The following COA8 variants were observed in gnomAD, a reference collection of about 807,000 sequenced individuals.
COA8 encodes the protein cytochrome c oxidase assembly factor 8, also known as UPF0671 protein C14orf153.
In COA8, 20 loss-of-function variants were observed where a neutral mutation model predicts 22.0. The ratio of observed to expected loss-of-function variants is 0.91; its 90% CI spans 0.64 to 1.32. COA8 has a LOEUF of 1.32. Ranked by LOEUF, COA8 falls within the 40% of genes most tolerant of loss-of-function variation. The probability of loss-of-function intolerance (pLI) is 0.00; values close to 1 mark genes in which losing one functional copy is unlikely to be tolerated. For missense variants in COA8, 266 were observed against 230.0 expected (o/e 1.16, Z -1.01); for synonymous variants, 105 against 79.9 (o/e 1.31, Z -1.68).
intron 3 of COA8, among the ~76,000 whole-genome samples, chr14:103,578,086 C>T (rs998494760): frequency 6.8e-5 from 10 of 146,504 alleles, no homozygotes; most frequent in Admixed American, 3.4e-4. Context: ...CCCAACTACT[C>T]GGGAGGCTGA....
At chr14:103,585,761 A>C (rs1471581458) in intron 3 of COA8, among the ~76,000 whole-genome samples, 1 of 151,686 alleles carries the variant, frequency 6.6e-6, no homozygotes, top group Non-Finnish European at 1.5e-5. Context: ...CTTTTAGTAG[A>C]GACGGGGTTT....
At chr14:103,572,147 AG>A (rs1404589917) in intron 2 of COA8, among the ~76,000 whole-genome samples, 4 of 151,794 alleles carry the variant, frequency 2.6e-5, no homozygotes, top group African/African-American at 7.3e-5. Context: ...AAGAAAAAAA[AG>A]TTTTAGATCA....
chr14:103,564,059 A>G (rs1176562992), intron 1 of COA8, among the ~76,000 whole-genome samples: 1 of 152,086 alleles, frequency 6.6e-6, no homozygotes, highest in Non-Finnish European at 1.5e-5. Context: ...AGGATGAGGC[A>G]GGAAAATCGC....
chr14:103,579,106 G>A (rs1311071293), intron 3 of COA8, among the ~76,000 whole-genome samples: 1 of 152,092 alleles, frequency 6.6e-6, no homozygotes, highest in Non-Finnish European at 1.5e-5. Context: ...TACGGACACA[G>A]TTTTGAGCGC....
chr14:103,589,643 C>T (rs533419888), intron 4 of COA8, among the ~76,000 whole-genome samples: 4 of 151,888 alleles, frequency 2.6e-5, no homozygotes, highest in South Asian at 2.1e-4. Context: ...GGGCCGGGTG[C>T]GGTGGCTCAC....
At chr14:103,587,230 CT>C (rs765438560) in intron 3 of COA8, 43 bp from the exon 4 acceptor site, 38 of 1,540,244 alleles carry the variant, frequency 2.5e-5, no homozygotes, top group African/African-American at 1.4e-5. Context: ...TTTGTTTATC[CT>C]TTCTCCTTAA....
At chr14:103,577,597 A>T in intron 3 of COA8, among the ~76,000 whole-genome samples, 1 of 151,852 alleles carries the variant, frequency 6.6e-6, no homozygotes, top group Middle Eastern at 3.2e-3. Context: ...TTCATGTGAG[A>T]GCCAGGCTTG....
At chr14:103,579,681 G>A (rs1177352620) in intron 3 of COA8, among the ~76,000 whole-genome samples, 2 of 151,314 alleles carry the variant, frequency 1.3e-5, no homozygotes, top group Non-Finnish European at 2.9e-5. Flanking sequence ...ACAGCATAAC[G>A]GCCGGGCACG....
chr14:103,590,444 A>G lies in COA8; in HGVS notation c.*158A>G, dbSNP rs536455690. The G allele has an allele frequency of 2.0e-4, 122 of 619,154 alleles. No individual in the cohort carries two copies. The African/African-American group carries it at 2.0e-3, about 10-fold the overall frequency. The allele number at this position is 619,154 out of a possible 1,614,324, so 38.4% of individuals were successfully genotyped here. A position where few individuals can be genotyped will look rare whatever the true frequency, so the allele number is the denominator to read the frequency against. On this transcript the variant is annotated 3_prime_UTR_variant, in exon 5 of 5. Coordinates refer to ENST00000409074, the MANE Select transcript of COA8 (RefSeq NM_001370595.2). The stretch of plus-strand genomic sequence containing the variant: ...TTGGGGGCAGGGTAGGTCCTGGGGC[A>G]CTGTGGGCCGCCTGCCTGCTGATGT...
At chr14:103,588,084 C>G in intron 4 of COA8, 1 of 242,732 alleles carries the variant, frequency 4.1e-6, no homozygotes, top group Non-Finnish European at 7.6e-6. Context: ...CCATTGCACT[C>G]CAGTCTGGGC....
chr14:103,576,615 A>G (rs2076232411), intron 3 of COA8, among the ~76,000 whole-genome samples: 1 of 152,152 alleles, frequency 6.6e-6, no homozygotes, highest in Admixed American at 6.6e-5. Flanking sequence ...GACCAGAGCA[A>G]TTTCTTCCTC....
intron 3 of COA8, among the ~76,000 whole-genome samples, chr14:103,576,680 G>T (rs2076232796): frequency 6.6e-6 from 1 of 152,190 alleles, no homozygotes; most frequent in Non-Finnish European, 1.5e-5. Flanking sequence ...CTATAAACTG[G>T]CTTTCTCTGC....
Position 103,587,362 on chromosome 14 carries a change from C to G in COA8, c.474C>G (p.Asn158Lys). The G allele has an allele frequency of 6.2e-7, 1 of 1,607,450 alleles. No individual in the cohort carries two copies. Among genetic ancestry groups the G allele is most frequent in the Non-Finnish European group, 8.5e-7 (1 of 1,175,158 alleles). ...ATTTTCAGAAGCACATGTATTATAACAGGTAGGTGTTTACTCTTTTCCTGA... is the reference window on the plus strand; with the variant it reads ...ATTTTCAGAAGCACATGTATTATAAGAGGTAGGTGTTTACTCTTTTCCTGA... ...SKNFQKHMYY[N>K]RDWYKRNFAI... Residue 158 changes from asparagine to lysine, a missense_variant and splice_region_variant, in exon 4 of 5, where the codon AAC (asparagine) becomes AAG (lysine). Asn to Lys is a moderately conservative substitution (Grantham distance 94). Coordinates refer to ENST00000409074, the MANE Select transcript of COA8 (RefSeq NM_001370595.2).
rs561702478 is a variant in COA8 at position 103,564,571 on chromosome 14, CTTTTTTT to C, written c.123+1467_123+1473del. 7.7e-5 allele frequency among the ~76,000 whole-genome samples: 7 copies of C among 91,474 alleles called. No homozygotes were observed. The East Asian group carries it at 8.9e-4, about 12-fold the overall frequency. 60.0% of individuals were successfully genotyped at this position (91,474 alleles called of 152,430 possible). A position where few individuals can be genotyped will look rare whatever the true frequency, so the allele number is the denominator to read the frequency against. On this transcript the variant is annotated intron_variant, in intron 1 of 4. Transcript: ENST00000409074. Reference sequence around the variant, plus strand: ...GATTTCTCTATTGTCATATACACTTCTTTTTTTTTTTTTTTTTTTTTTTTTTGAGTTG... The same window carrying C: ...GATTTCTCTATTGTCATATACACTTCTTTTTTTTTTTTTTTTTTTGAGTTG...
rs2076098343 is a variant in COA8 at position 103,563,045 on chromosome 14, T to C, written c.44T>C (p.Leu15Pro). ...RAGKKTFLPP[L>P]CRAFACRGCQ... ...GGGAAGAAGACCTTTCTCCCCCCTC[T>C]CTGCCGCGCCTTCGCCTGCCGCGGC... Residue 15 changes from leucine (L) to proline (P), a missense_variant, in exon 1 of 5, where the codon CTC (leucine) becomes CCC (proline). Transcript: ENST00000409074. 6.5e-7 allele frequency: 1 copy of C among 1,542,952 alleles called. No homozygotes were observed. Among genetic ancestry groups the C allele is most frequent in the East Asian group, 2.4e-5 (1 of 41,710 alleles).
At chr14:103,575,127 C>T (rs531716188) in intron 3 of COA8, among the ~76,000 whole-genome samples, 78 of 152,348 alleles carry the variant, frequency 5.1e-4, no homozygotes, top group Middle Eastern at 6.8e-3. Context: ...TGTATGCGTG[C>T]GTGTGTACGC....
chr14:103,581,511 A>T lies in COA8; in HGVS notation c.386-5763A>T. The T allele has an allele frequency of 2.5e-6, 1 of 397,798 alleles. No individual in the cohort carries two copies. The highest frequency in any genetic ancestry group is 2.1e-5 in the African/African-American group (1 of 48,730). The allele number at this position is 397,798 out of a possible 1,614,324, so 24.6% of individuals were successfully genotyped here. On this transcript the variant is annotated intron_variant, in intron 3 of 4. Transcript: ENST00000409074. This position sits in a 1 kb window ranked among gnomAD's most constrained non-coding sequence, Gnocchi z 4.1. ...GTTTCATCACGCTACTCAGAACAGCATGCAGTTCAAAACTTATGACTTGTT... is the reference window on the plus strand; with the variant it reads ...GTTTCATCACGCTACTCAGAACAGCTTGCAGTTCAAAACTTATGACTTGTT...
chr14:103,589,916 A>G (rs1197202251), intron 4 of COA8, among the ~76,000 whole-genome samples: 11 of 151,962 alleles, frequency 7.2e-5, no homozygotes, highest in Non-Finnish European at 1.3e-4. Flanking sequence ...TCCGTCTCAA[A>G]AAAAAAAAAC....
intron 1 of COA8, among the ~76,000 whole-genome samples, chr14:103,569,973 C>T (rs2142281127): frequency 6.6e-6 from 1 of 152,280 alleles, no homozygotes; most frequent in Admixed American, 6.5e-5. Context: ...TCTCCTGGCT[C>T]AGCCTCTCAT....
Sources: gnomAD v4.1 joint callset for allele counts (sites outside exome capture counted in the v4.1 genomes callset) on GRCh38, gnomAD v4.1.1 for gene constraint, Gnocchi (gnomAD v3.1) non-coding constraint, MANE v1.5 for transcripts, NCBI Gene and HGNC (gene_info 2026-07-23, HGNC 2026-07-21) for gene names.